The following DNAJC11 variants were observed in gnomAD, a reference collection of about 807,000 sequenced individuals.
DNAJC11 encodes the protein DnaJ heat shock protein family (Hsp40) member C11.
Under a neutral mutation model 78.6 loss-of-function variants are expected in DNAJC11, and 15 were observed. The ratio of observed to expected loss-of-function variants is 0.19; its 90% CI spans 0.13 to 0.29. The LOEUF is 0.29. Ranked by LOEUF, DNAJC11 falls within the 10% of genes least tolerant of loss-of-function variation. The pLI, the probability that DNAJC11 is intolerant of heterozygous loss-of-function variation, is 1.00. For synonymous variants in DNAJC11, 292 were observed against 272.1 expected (o/e 1.07, Z -0.72); for missense variants, 547 against 709.6 (o/e 0.77, Z 2.60).
At chr1:6,682,639 GAAAC>G (rs1642572025) in intron 1 of DNAJC11, among the ~76,000 whole-genome samples, 1 of 152,180 alleles carries the variant, frequency 6.6e-6, no homozygotes, top group Non-Finnish European at 1.5e-5. Context: ...ATTCAGAAAA[GAAAC>G]AAGGCTGGAC....
intron 7 of DNAJC11, chr1:6,651,178 T>C (rs368214841): frequency 5.9e-5 from 33 of 557,070 alleles, no homozygotes; most frequent in African/African-American, 5.7e-4. Context: ...AGTCTGTCAT[T>C]CTCTGGGACA....
intron 1 of DNAJC11, among the ~76,000 whole-genome samples, chr1:6,683,364 TTC>T (rs1642584763): frequency 6.6e-6 from 1 of 152,200 alleles, no homozygotes; most frequent in South Asian, 2.1e-4. Context: ...GCATTTAGTC[TTC>T]TCCTCCATAA....
chr1:6,661,763 A>G (rs1251262494), intron 4 of DNAJC11, among the ~76,000 whole-genome samples: 1 of 152,204 alleles, frequency 6.6e-6, no homozygotes, highest in Non-Finnish European at 1.5e-5. Flanking sequence ...GTTTCATGAC[A>G]TCAGAATCAC....
At chr1:6,679,493 C>T (rs1642522784) in intron 2 of DNAJC11, among the ~76,000 whole-genome samples, 1 of 152,186 alleles carries the variant, frequency 6.6e-6, no homozygotes, top group African/African-American at 2.4e-5. Flanking sequence ...CCCTCTGCTT[C>T]ACCAATTTCT....
chr1:6,673,707 C>T lies in DNAJC11; in HGVS notation c.276+4687G>A, dbSNP rs527990891. Among the ~76,000 whole-genome samples the T allele has an allele frequency of 8.5e-5, 13 of 152,270 alleles. 1 individual carries two copies. Among genetic ancestry groups the T allele is most frequent in the African/African-American group, 2.4e-4 (10 of 41,566 alleles). ...GGTTCAGATTTCACTAGATTTTCTA[C>T]GAACATCCTTTTTCTGTTCCAGGAT... is the stretch of plus-strand genomic sequence containing the variant. On this transcript the variant is annotated intron_variant, in intron 3 of 15. Coordinates refer to ENST00000377577, the MANE Select transcript of DNAJC11 (RefSeq NM_018198.4).
At position 6,681,157 on chromosome 1, in the gene DNAJC11, C is replaced by T. The variant is rs912690937; in HGVS notation, c.73-120G>A. 3.7e-6 allele frequency: 4 copies of T among 1,085,084 alleles called. No homozygotes were observed. In the African/African-American group the frequency reaches 6.3e-5, roughly 17 times the overall value. The allele number at this position is 1,085,084 out of a possible 1,614,324, so 67.2% of individuals were successfully genotyped here. On this transcript the variant is annotated intron_variant, in intron 1 of 15. Transcript: ENST00000377577. ...TCCCAATGTGTTTGCTCTCGACATA[C>T]AGGATGTAATGAAGTTCGGTTTATC...
chr1:6,666,070 T>C (rs1282866360), intron 4 of DNAJC11, among the ~76,000 whole-genome samples: 2 of 152,198 alleles, frequency 1.3e-5, no homozygotes, highest in Non-Finnish European at 2.9e-5. Context: ...TGCACTTCTG[T>C]TGAGGGGGAG....
intron 7 of DNAJC11, chr1:6,651,258 C>T (rs1011773488): frequency 1.9e-5 from 12 of 641,470 alleles, no homozygotes; most frequent in African/African-American, 7.1e-5. Context: ...ACTCTTTCTC[C>T]GTGGCCTTGT....
At chr1:6,659,920 G>C (rs1457547838) in intron 4 of DNAJC11, among the ~76,000 whole-genome samples, 1 of 151,664 alleles carries the variant, frequency 6.6e-6, no homozygotes, top group Non-Finnish European at 1.5e-5. Flanking sequence ...GCTGGGCGTG[G>C]TGGCAGGCGC....
chr1:6,693,372 A>G (rs1019151875), intron 1 of DNAJC11, among the ~76,000 whole-genome samples: 1 of 152,044 alleles, frequency 6.6e-6, no homozygotes, highest in African/African-American at 2.4e-5. Context: ...TGTCTTTCAC[A>G]TTTTTATTTA....
At chr1:6,639,566 G>A (rs1223233888) in intron 11 of DNAJC11, among the ~76,000 whole-genome samples, 1 of 151,766 alleles carries the variant, frequency 6.6e-6, no homozygotes, top group Non-Finnish European at 1.5e-5. Context: ...GCCTCACCTC[G>A]GGTAATCCAC....
In DNAJC11 at chr1:6,645,758, G is replaced by A. The variant is rs952245781; in HGVS notation, c.894+31C>T. 13 of 1,609,736 alleles carry A rather than the reference G, an allele frequency of 8.1e-6. No homozygotes were observed. Among genetic ancestry groups the A allele is most frequent in the Middle Eastern group, 1.7e-4 (1 of 6,054 alleles). ...GGAGGAGGGGTCCTCCCAGAGCTCTGTCTGCAGGAGATGATGGCTGCTCGG... is the reference window on the plus strand; with the variant it reads ...GGAGGAGGGGTCCTCCCAGAGCTCTATCTGCAGGAGATGATGGCTGCTCGG... On this transcript the variant is annotated intron_variant, in intron 8 of 15. Coordinates refer to ENST00000377577, the MANE Select transcript of DNAJC11 (RefSeq NM_018198.4). The surrounding 1 kb of genome is among the most constrained non-coding windows in gnomAD (Gnocchi z 4.1).
At chr1:6,696,023 CAA>C (rs1642831058) in intron 1 of DNAJC11, among the ~76,000 whole-genome samples, 1 of 152,178 alleles carries the variant, frequency 6.6e-6, no homozygotes, top group African/African-American at 2.4e-5. Flanking sequence ...GAAGGTCACA[CAA>C]GAGGCAGGCA....
At chr1:6,691,331 A>G (rs1570314521) in intron 1 of DNAJC11, among the ~76,000 whole-genome samples, 1 of 152,166 alleles carries the variant, frequency 6.6e-6, no homozygotes, top group Admixed American at 6.5e-5. Flanking sequence ...CTGACTCCCA[A>G]TCAGAGGTCA....
chr1:6,656,249 T>A (rs1158368079), intron 4 of DNAJC11, among the ~76,000 whole-genome samples: 4 of 152,022 alleles, frequency 2.6e-5, no homozygotes, highest in Non-Finnish European at 5.9e-5. Context: ...TGAAATTCCA[T>A]AACGGCATTT....
At chr1:6,689,350 T>A (rs1642705205) in intron 1 of DNAJC11, among the ~76,000 whole-genome samples, 1 of 152,100 alleles carries the variant, frequency 6.6e-6, no homozygotes, top group Non-Finnish European at 1.5e-5. Flanking sequence ...TTACTGAGTA[T>A]GAAATGGAAA....
intron 6 of DNAJC11, 73 bp downstream of exon 6, chr1:6,652,756 A>T: frequency 6.3e-7 from 1 of 1,592,488 alleles, no homozygotes; most frequent in Non-Finnish European, 8.6e-7. Context: ...TTTGAGGGTG[A>T]GCTTTGAGAG....
intron 9 of DNAJC11, 80 bp from the exon 10 acceptor site, chr1:6,644,754 G>C: frequency 8.0e-7 from 1 of 1,257,182 alleles, no homozygotes. Context: ...AAGAGGCCAG[G>C]TACCTTCCCT....
chr1:6,635,800 G>A, intron 15 of DNAJC11, 100 bp from the exon 16 acceptor site: 2 of 1,449,644 alleles, frequency 1.4e-6, no homozygotes, highest in South Asian at 1.2e-5. Context: ...GCAGCTGGCT[G>A]GGCCCAGGCG....
Sources: allele counts gnomAD v4.1 joint callset (sites outside exome capture counted in the v4.1 genomes callset), GRCh38; gene constraint gnomAD v4.1.1; non-coding constraint Gnocchi (gnomAD v3.1); transcripts MANE v1.5; gene names NCBI Gene and HGNC (gene_info 2026-07-23, HGNC 2026-07-21).